Variants in SLC35F4 observed in about 807,000 individuals in gnomAD.
SLC35F4 encodes solute carrier family 35 member F4.
A neutral mutation model predicts 44.2 loss-of-function variants in SLC35F4; 24 were observed. The observed-to-expected ratio is 0.54, with a 90% CI of 0.39 to 0.76. SLC35F4 has a LOEUF of 0.76. Ranked by LOEUF, SLC35F4 falls within the 30% of genes least tolerant of loss-of-function variation. The pLI, the probability that SLC35F4 is intolerant of heterozygous loss-of-function variation, is 0.00. For synonymous variants in SLC35F4, 238 were observed against 223.6 expected, an observed-to-expected ratio of 1.06 and a Z score of -0.57; for missense variants, 562 against 586.1, an observed-to-expected ratio of 0.96 and a Z score of 0.42.
In SLC35F4 at chr14:57,581,306, C is replaced by A. The variant is rs749481528; in HGVS notation, c.715G>T (p.Ala239Ser). 4 of 1,613,702 alleles carry A rather than the reference C, an allele frequency of 2.5e-6. No individual in the cohort carries two copies. Among genetic ancestry groups the A allele is most frequent in the East Asian group, 2.2e-5 (1 of 44,870 alleles). The change falls in exon 4 of 8, where the codon GCC becomes TCC. Residue 239 changes from alanine (A) to serine (S), a missense_variant. Transcript: ENST00000556826. ...CAGAACAGAGCGGAGACATCCGTGG[C>A]CGTCAGCTTCTTTAAAGCCAGTAAA... ...LYLLALKKLTATDVSALFCCN... is the reference protein window; with the variant it reads ...LYLLALKKLTSTDVSALFCCN...
intron 1 of SLC35F4, among the ~76,000 whole-genome samples, chr14:57,875,223 G>C: frequency 6.6e-6 from 1 of 152,150 alleles, no homozygotes; most frequent in Non-Finnish European, 1.5e-5. Context: ...CATTGGTTCA[G>C]GTAAAGAAAT....
At chr14:57,720,375 T>C (rs1224182071) in intron 1 of SLC35F4, among the ~76,000 whole-genome samples, 2 of 152,304 alleles carry the variant, frequency 1.3e-5, no homozygotes, top group African/African-American at 4.8e-5. Context: ...TCCTTCCTCC[T>C]CTATTTTTCA....
intron 4 of SLC35F4, among the ~76,000 whole-genome samples, chr14:57,575,290 C>T (rs1478781098): frequency 6.6e-6 from 1 of 152,084 alleles, no homozygotes; most frequent in Admixed American, 6.5e-5. Flanking sequence ...CCAGCCTGGC[C>T]AACCATGGCG....
At chr14:57,942,288 A>T (rs547779917) in intron 1 of SLC35F4, among the ~76,000 whole-genome samples, 1 of 152,308 alleles carries the variant, frequency 6.6e-6, no homozygotes, top group South Asian at 2.1e-4. Flanking sequence ...AGGTGAATAA[A>T]TCATTCAAAC....
At chr14:57,590,493 T>G (rs1005890050) in intron 2 of SLC35F4, among the ~76,000 whole-genome samples, 3 of 152,156 alleles carry the variant, frequency 2.0e-5, no homozygotes, top group African/African-American at 7.2e-5. Context: ...ATGACTAATA[T>G]ATTTCTGGGA....
chr14:57,673,314 T>C (rs991783784), intron 1 of SLC35F4, among the ~76,000 whole-genome samples: 69 of 152,094 alleles, frequency 4.5e-4, no homozygotes, highest in Admixed American at 1.8e-3. Context: ...GTTAGCAGCA[T>C]GGTTATCACC....
intron 1 of SLC35F4, among the ~76,000 whole-genome samples, chr14:57,871,911 T>A (rs562815968): frequency 5.1e-4 from 77 of 152,348 alleles, no homozygotes; most frequent in African/African-American, 1.7e-3. Context: ...AATACTGCAT[T>A]TAATTTTCAA....
At chr14:57,591,392 A>G (rs983565854) in intron 2 of SLC35F4, among the ~76,000 whole-genome samples, 19 of 152,232 alleles carry the variant, frequency 1.2e-4, no homozygotes, top group Admixed American at 3.9e-4. Context: ...TTTACAGACA[A>G]CACAGTCTCT....
chr14:57,954,948 T>TA (rs35919238), intron 1 of SLC35F4, among the ~76,000 whole-genome samples: 3,887 of 106,984 alleles, frequency 0.036, 89 homozygotes, highest in Non-Finnish European at 0.053. Flanking sequence ...TCATCCTGAT[T>TA]AAAAAAAAAA....
rs2069230213 is a variant in SLC35F4, at chr14:57,581,224, A to G, written c.797T>C (p.Met266Thr). ...LSWIVLKDRF[M>T]GVRIVAAIMA... ...CAAGTATGCCATTACCCTCACTCCC[A>G]TGAACCTGTCTTTCAGCACAATCCA... Residue 266 changes from methionine (M) to threonine (T), a missense_variant, in exon 4 of 8, where the codon ATG (methionine) becomes ACG (threonine). Physicochemically the swap from Met to Thr is moderately conservative, Grantham distance 81. Transcript: ENST00000556826. The G allele has an allele frequency of 5.1e-6, 8 of 1,577,652 alleles. No homozygotes were observed. The highest frequency in any genetic ancestry group is 1.9e-5 in the Admixed American group (1 of 53,804).
intron 1 of SLC35F4, among the ~76,000 whole-genome samples, chr14:57,658,501 TGAA>T (rs2074037839): frequency 6.6e-6 from 1 of 152,184 alleles, no homozygotes; most frequent in East Asian, 1.9e-4. Context: ...AATTAGAGAA[TGAA>T]GAAGTTCCTT....
At chr14:57,953,966 G>A (rs759245114) in intron 1 of SLC35F4, among the ~76,000 whole-genome samples, 5 of 152,148 alleles carry the variant, frequency 3.3e-5, no homozygotes, top group Admixed American at 6.5e-5. Context: ...CAAATCAACA[G>A]AATGTACTTT....
At chr14:57,656,386 C>T (rs924190106) in intron 1 of SLC35F4, among the ~76,000 whole-genome samples, 51 of 100,706 alleles carry the variant, frequency 5.1e-4, no homozygotes, top group South Asian at 3.9e-3. Context: ...TACACACACA[C>T]ACACACACAC....
At chr14:57,649,771 C>T (rs553123120) in intron 1 of SLC35F4, among the ~76,000 whole-genome samples, 2 of 133,642 alleles carry the variant, frequency 1.5e-5, no homozygotes, top group African/African-American at 2.7e-5. Flanking sequence ...TTTTTTGTTG[C>T]CCTACTTAAA....
Position 57,565,455 on chromosome 14 carries a change from A to AT in SLC35F4, c.1216+1019dup, listed in dbSNP as rs1054285171. On this transcript the variant is annotated intron_variant, in intron 7 of 7. Transcript: ENST00000556826. ...AGCAATTCTATGTTGTAATTACTCA[A>AT]TTTTTTTTCCTTTTGTCTCCCTCTC... Among the ~76,000 whole-genome samples, 10 of 151,990 alleles carry AT rather than the reference A, an allele frequency of 6.6e-5. No homozygotes were observed. The East Asian group carries it at 9.7e-4, about 15-fold the overall frequency.
intron 1 of SLC35F4, among the ~76,000 whole-genome samples, chr14:57,751,184 G>T: frequency 6.6e-6 from 1 of 152,134 alleles, no homozygotes; most frequent in East Asian, 1.9e-4. Context: ...AGCTTAGGAA[G>T]GTTATTTTTT....
At position 57,844,630 on chromosome 14, in the gene SLC35F4, A is replaced by G. The variant is rs149580418; in HGVS notation, c.103+21093T>C. On this transcript the variant is annotated intron_variant, in intron 1 of 7. Transcript: ENST00000556826. ...CAACTTGCTCTCTTTCTGTCCCCAC[A>G]TAAGCTTATTTCTTTTTACCTTCTA... Among the ~76,000 whole-genome samples the G allele has an allele frequency of 7.3e-3, 1,116 of 152,276 alleles. 9 individuals are homozygous for G. The highest frequency in any genetic ancestry group is 0.012 in the Non-Finnish European group (843 of 68,020).
At chr14:57,739,104 G>A (rs1480138014) in intron 1 of SLC35F4, among the ~76,000 whole-genome samples, 1 of 152,114 alleles carries the variant, frequency 6.6e-6, no homozygotes, top group Non-Finnish European at 1.5e-5. Context: ...CATGGCTTAT[G>A]CATGCTGCCA....
chr14:57,895,502 C>A (rs1463145857), intron 1 of SLC35F4, among the ~76,000 whole-genome samples: 2 of 151,924 alleles, frequency 1.3e-5, no homozygotes, highest in African/African-American at 4.8e-5. Context: ...CCTTGCTGTT[C>A]CCTTGATAGT....
Sources: gnomAD v4.1 joint callset for allele counts (sites outside exome capture counted in the v4.1 genomes callset) on GRCh38, gnomAD v4.1.1 for gene constraint, MANE v1.5 for transcripts, NCBI Gene and HGNC (gene_info 2026-07-23, HGNC 2026-07-21) for gene names.